Variants in ADAMTS17 observed in about 807,000 individuals in gnomAD.
The protein encoded by ADAMTS17 is A disintegrin and metalloproteinase with thrombospondin motifs 17.
Under a neutral mutation model 141.5 loss-of-function variants are expected in ADAMTS17, and 113 were observed. The observed-to-expected ratio is 0.80, with a 90% CI of 0.69 to 0.93. ADAMTS17 has a LOEUF of 0.93. Ranked by LOEUF, ADAMTS17 falls within the 40% of genes least tolerant of loss-of-function variation. The pLI, the probability that ADAMTS17 is intolerant of heterozygous loss-of-function variation, is 0.00. For missense variants in ADAMTS17, 1,659 were observed against 1,517.9 expected (o/e 1.09, Z -1.54); for synonymous variants, 768 against 630.6 (o/e 1.22, Z -3.27).
At chr15:100,218,523 A>T (rs553438134) in intron 7 of ADAMTS17, among the ~76,000 whole-genome samples, 6 of 152,226 alleles carry the variant, frequency 3.9e-5, no homozygotes, top group Non-Finnish European at 8.8e-5. Flanking sequence ...TCAAAACCAC[A>T]ATAAGATACT....
intron 15 of ADAMTS17, among the ~76,000 whole-genome samples, chr15:100,073,820 C>A (rs111259913): frequency 6.7e-6 from 1 of 150,366 alleles, no homozygotes; most frequent in Non-Finnish European, 1.5e-5. Flanking sequence ...TGTTAAATAA[C>A]GAGTTGATGG....
chr15:100,281,842 G>A (rs1266787487), intron 3 of ADAMTS17, among the ~76,000 whole-genome samples: 1 of 152,154 alleles, frequency 6.6e-6, no homozygotes, highest in African/African-American at 2.4e-5. Flanking sequence ...CCTGGGGGCT[G>A]GCATCCCAGT....
At chr15:100,136,018 C>G (rs1057211622) in intron 10 of ADAMTS17, among the ~76,000 whole-genome samples, 4 of 152,288 alleles carry the variant, frequency 2.6e-5, no homozygotes, top group Middle Eastern at 3.4e-3. Flanking sequence ...AAAACTTTGG[C>G]AGTATTTGCT....
intron 18 of ADAMTS17, among the ~76,000 whole-genome samples, chr15:100,019,932 C>T (rs1441711292): frequency 6.6e-6 from 1 of 152,014 alleles, no homozygotes; most frequent in Non-Finnish European, 1.5e-5. Flanking sequence ...GTTTTGATCA[C>T]CAAATTCCTA....
chr15:100,240,431 G>A (rs1173255066), intron 7 of ADAMTS17, among the ~76,000 whole-genome samples: 1 of 152,248 alleles, frequency 6.6e-6, no homozygotes, highest in Admixed American at 6.5e-5. Context: ...AAGCAATGGA[G>A]AAGAAGCAGG....
intron 15 of ADAMTS17, 110 bp from the exon 16 acceptor site, chr15:100,054,164 C>A: frequency 1.6e-6 from 2 of 1,288,466 alleles, no homozygotes; most frequent in East Asian, 4.6e-5. Context: ...CTCCCTTCCA[C>A]AGGGGGAAGG....
At position 100,341,949 on chromosome 15, in the gene ADAMTS17, G is replaced by C; in HGVS notation, c.-50C>G. The C allele has an allele frequency of 6.5e-7, 1 of 1,542,788 alleles. No homozygotes were observed. The highest frequency in any genetic ancestry group is 8.8e-7 in the Non-Finnish European group (1 of 1,142,698). ...CGGACCGTGGCGGCGAAGCAGGAGC[G>C]CGCTAGGCGGCGGCGCCAGCCGGAG... is the stretch of plus-strand genomic sequence containing the variant. On this transcript the variant is annotated 5_prime_UTR_variant, in exon 1 of 22. Coordinates refer to ENST00000268070, the MANE Select transcript of ADAMTS17 (RefSeq NM_139057.4).
Position 100,221,139 on chromosome 15 carries a change from A to G in ADAMTS17, c.1076-21716T>C, listed in dbSNP as rs188644410. On this transcript the variant is annotated intron_variant, in intron 7 of 21. Coordinates refer to ENST00000268070, the MANE Select transcript of ADAMTS17 (RefSeq NM_139057.4). ...CCACCAGTTTGACGGGCAAACGCTT[A>G]TGTGTTTTTTTTTTAAACAGTGACA... Among the ~76,000 whole-genome samples, 551 of 152,096 alleles carry G rather than the reference A, an allele frequency of 3.6e-3. 2 individuals are homozygous for G. Among genetic ancestry groups the G allele is most frequent in the Non-Finnish European group, 5.3e-3 (363 of 67,938 alleles).
At chr15:100,288,154 G>C (rs1428008757) in intron 3 of ADAMTS17, among the ~76,000 whole-genome samples, 1 of 152,114 alleles carries the variant, frequency 6.6e-6, no homozygotes, top group Non-Finnish European at 1.5e-5. Flanking sequence ...CAGAGTAAAG[G>C]GATGGAGAAA....
chr15:100,000,857 A>T (rs1448111808), intron 18 of ADAMTS17, among the ~76,000 whole-genome samples: 1 of 152,248 alleles, frequency 6.6e-6, no homozygotes, highest in Non-Finnish European at 1.5e-5. Context: ...CTAAAAATAC[A>T]GAAGAGACAT....
intron 9 of ADAMTS17, 74 bp downstream of exon 9, chr15:100,155,106 T>C (rs1457363132): frequency 4.0e-5 from 64 of 1,607,800 alleles, no homozygotes; most frequent in Non-Finnish European, 5.4e-5. Context: ...TCACACTTGC[T>C]GAGACTCCAA....
chr15:100,199,413 G>C lies in ADAMTS17; in HGVS notation c.1086C>G (p.Tyr362Ter), dbSNP rs779292313. 6.2e-7 allele frequency: 1 copy of C among 1,614,102 alleles called. No individual in the cohort carries two copies. Among genetic ancestry groups the C allele is most frequent in the Non-Finnish European group, 8.5e-7 (1 of 1,179,996 alleles). The change falls in exon 8 of 22, where the codon TAC becomes TAG. Residue 362 changes from tyrosine (Y) to a stop codon, truncating the protein, a stop_gained. Coordinates refer to ENST00000268070, the MANE Select transcript of ADAMTS17 (RefSeq NM_139057.4). LOFTEE classifies it high-confidence loss of function. Reference protein sequence around the residue: ...DEPCDTVGIAYLGGVCSAKRK... With the variant: ...DEPCDTVGIA ...TCTTAGCACTGCACACACCTCCTAA[G>C]TAAGCAATTCCTGCAGCAGAGACAC...
intron 16 of ADAMTS17, among the ~76,000 whole-genome samples, chr15:100,053,566 G>A (rs1324755038): frequency 1.3e-5 from 2 of 152,214 alleles, no homozygotes; most frequent in Non-Finnish European, 2.9e-5. Flanking sequence ...GAGTGGGGCT[G>A]TCTGCTTAAT....
At chr15:99,976,361 A>G in intron 20 of ADAMTS17, 139 bp from the exon 21 acceptor site, 10 of 1,069,170 alleles carry the variant, frequency 9.4e-6, no homozygotes, top group Non-Finnish European at 6.9e-6. Context: ...TGATGGCCTC[A>G]CAATGTGGCA....
chr15:100,000,861 G>A (rs984983815), intron 18 of ADAMTS17, among the ~76,000 whole-genome samples: 1 of 152,150 alleles, frequency 6.6e-6, no homozygotes, highest in Non-Finnish European at 1.5e-5. Flanking sequence ...AAATACAGAA[G>A]AGACATAGTC....
intron 18 of ADAMTS17, among the ~76,000 whole-genome samples, chr15:100,035,426 G>A (rs921961371): frequency 1.3e-5 from 2 of 152,172 alleles, no homozygotes; most frequent in African/African-American, 4.8e-5. Flanking sequence ...GTGTGTGAAG[G>A]GATCCTGGCC....
At chr15:100,000,102 C>T (rs889781543) in intron 18 of ADAMTS17, among the ~76,000 whole-genome samples, 7 of 152,134 alleles carry the variant, frequency 4.6e-5, no homozygotes, top group Non-Finnish European at 1.0e-4. Context: ...ACCTGAAGCC[C>T]GTGTAAATGT....
At chr15:100,017,130 G>GT (rs1248950338) in intron 18 of ADAMTS17, among the ~76,000 whole-genome samples, 1 of 152,130 alleles carries the variant, frequency 6.6e-6, no homozygotes, top group Non-Finnish European at 1.5e-5. Context: ...AGTCATGCAG[G>GT]TTGTCAGGGA....
At chr15:100,263,589 G>C (rs1210864508) in intron 4 of ADAMTS17, among the ~76,000 whole-genome samples, 1 of 152,186 alleles carries the variant, frequency 6.6e-6, no homozygotes, top group Non-Finnish European at 1.5e-5. Context: ...AGTTGACATG[G>C]ATGGAAAAAG....
Sources: gnomAD v4.1 joint callset for allele counts (sites outside exome capture counted in the v4.1 genomes callset) on GRCh38, gnomAD v4.1.1 for gene constraint, MANE v1.5 for transcripts, NCBI Gene and HGNC (gene_info 2026-07-23, HGNC 2026-07-21) for gene names.